The following PIEZO1 variants were observed in gnomAD, a reference collection of about 807,000 sequenced individuals.
PIEZO1 encodes piezo type mechanosensitive ion channel component 1 (Er blood group).
A neutral mutation model predicts 297.2 loss-of-function variants in PIEZO1; 296 were observed. That is an observed-to-expected ratio of 1.00 (90% confidence interval 0.91 to 1.10). PIEZO1 has a LOEUF of 1.10. PIEZO1 is among the 50% of genes least tolerant of loss of function. The probability of loss-of-function intolerance (pLI) is 0.00; values close to 1 mark genes in which losing one functional copy is unlikely to be tolerated. For missense variants in PIEZO1, 5,018 were observed against 3,455.5 expected (o/e 1.45, Z -11.34); for synonymous variants, 2,427 against 1,507.5 (o/e 1.61, Z -14.13).
In PIEZO1 at chr16:88,733,592, T is replaced by G. The variant is rs370271938; in HGVS notation, c.2483A>C (p.Lys828Thr). 6.5e-7 allele frequency: 1 copy of G among 1,542,884 alleles called. No individual in the cohort carries two copies. The highest frequency in any genetic ancestry group is 1.2e-5 in the South Asian group (1 of 83,542). Residue 828 changes from lysine (K) to threonine (T), a missense_variant, in exon 18 of 51, where the codon AAG becomes ACG. Transcript: ENST00000301015. ...TGAGTTGCCTGCCACACTCACCTCC[T>G]TCAGGGCCACCCAGACGGTGTACAG... is the stretch of plus-strand genomic sequence containing the variant. ...VALYTVWVAL[K>T]EVSVMNLLLV...
At chr16:88,767,046 G>A (rs572335468) in intron 1 of PIEZO1, among the ~76,000 whole-genome samples, 15 of 152,354 alleles carry the variant, frequency 9.8e-5, no homozygotes, top group Non-Finnish European at 1.6e-4. Flanking sequence ...CTGCCCGCAC[G>A]AGCCTATTCT....
At chr16:88,730,183 C>A (rs929034366) in intron 22 of PIEZO1, among the ~76,000 whole-genome samples, 31 of 152,262 alleles carry the variant, frequency 2.0e-4, no homozygotes, top group African/African-American at 7.0e-4. Context: ...AGCGCCCAGA[C>A]CCCGGGCTCT....
At position 88,721,641 on chromosome 16, in the gene PIEZO1, G is replaced by T; in HGVS notation, c.5300C>A (p.Pro1767His). Residue 1767 changes from proline (P) to histidine (H), a missense_variant, in exon 38 of 51, where the codon CCC becomes CAC. Transcript: ENST00000301015. Reference protein sequence around the residue: ...HVVLRRYENKPYFPPRILGLE... With the variant: ...HVVLRRYENKHYFPPRILGLE... ...GCCCAGGATGCGGGGCGGGAAGTAG[G>T]GCTTGTTCTCGTAGCGCCGCAGCAC... 4 of 1,550,188 alleles carry T rather than the reference G, an allele frequency of 2.6e-6. No homozygotes were observed. Among genetic ancestry groups the T allele is most frequent in the Non-Finnish European group, 2.6e-6 (3 of 1,146,854 alleles).
Position 88,720,118 on chromosome 16 carries a change from G to C in PIEZO1, c.6115C>G (p.Leu2039Val). 6.4e-7 allele frequency: 1 copy of C among 1,550,412 alleles called. No individual in the cohort carries two copies. The highest frequency in any genetic ancestry group is 8.7e-7 in the Non-Finnish European group (1 of 1,146,980). Residue 2039 changes from leucine to valine, a missense_variant, in exon 42 of 51, where the codon CTG (leucine) becomes GTG (valine). Transcript: ENST00000301015. ...GKLAFQVALV[L>V]AIHLWMFFIL... Reference sequence around the variant, plus strand: ...AAGAACATCCATAGGTGGATGGCCAGCACCAGCGCCACCTGGAAGGCCAGC... The same window carrying C: ...AAGAACATCCATAGGTGGATGGCCACCACCAGCGCCACCTGGAAGGCCAGC...
At chr16:88,727,283 C>A in intron 23 of PIEZO1, 91 bp from the exon 24 acceptor site, 1 of 1,366,722 alleles carries the variant, frequency 7.3e-7, no homozygotes, top group South Asian at 1.5e-5. Flanking sequence ...CCAGGCCTGT[C>A]GGCGTGCAGC....
In PIEZO1 at chr16:88,741,551, AC is replaced by A. The variant is rs1567678431; in HGVS notation, c.391del (p.Val131SerfsTer75). On this transcript the variant is annotated frameshift_variant, in exon 5 of 51. Coordinates refer to ENST00000301015, the MANE Select transcript of PIEZO1 (RefSeq NM_001142864.4). LOFTEE classifies it high-confidence loss of function. ...LVAPDLGILV[V>X]SSVCLGICGR... is the part of the protein sequence containing the mutation. ...GCAGATGCCGAGGCAGACAGAGGAG[AC>A]CACCAAGATGCCCAGGTCAGGGGCC... 3.3e-6 allele frequency: 5 copies of A among 1,535,590 alleles called. No homozygotes were observed. Among genetic ancestry groups the A allele is most frequent in the Non-Finnish European group, 4.4e-6 (5 of 1,146,768 alleles).
chr16:88,736,569 C>T, intron 11 of PIEZO1, 70 bp downstream of exon 11: 1 of 1,327,970 alleles, frequency 7.5e-7, no homozygotes, highest in Non-Finnish European at 1.0e-6. Flanking sequence ...CCCAGCGCAC[C>T]CCACCCAGGC....
At position 88,716,126 on chromosome 16, in the gene PIEZO1, T is replaced by C. The variant is rs1216131578; in HGVS notation, c.7130-7A>G. On this transcript the variant is annotated splice_polypyrimidine_tract_variant and splice_region_variant and intron_variant, in intron 49 of 50. Transcript: ENST00000301015. Reference sequence around the variant, plus strand: ...AGGTAGTCGGCCTCCTCATCTGGGATGGAGGGAGAAGATCGTTGAGGCCGC... The same window carrying C: ...AGGTAGTCGGCCTCCTCATCTGGGACGGAGGGAGAAGATCGTTGAGGCCGC... 3.9e-6 allele frequency: 6 copies of C among 1,539,612 alleles called. No homozygotes were observed. Among genetic ancestry groups the C allele is most frequent in the Non-Finnish European group, 5.3e-6 (6 of 1,139,298 alleles).
chr16:88,763,944 G>A (rs758403673), intron 1 of PIEZO1, among the ~76,000 whole-genome samples: 1 of 152,208 alleles, frequency 6.6e-6, no homozygotes, highest in Non-Finnish European at 1.5e-5. Flanking sequence ...CACAGGGTCG[G>A]CACGCAGGGG....
intron 4 of PIEZO1, 164 bp from the exon 5 acceptor site, chr16:88,741,780 G>GTCCCCCCC (rs1567678637): frequency 4.2e-6 from 1 of 235,944 alleles, no homozygotes; most frequent in Non-Finnish European, 8.8e-6. Flanking sequence ...GGGTCTCCAG[G>GTCCCCCCC]TGCGGGTGAG....
intron 1 of PIEZO1, among the ~76,000 whole-genome samples, chr16:88,765,476 T>C (rs1352457533): frequency 6.6e-6 from 1 of 152,098 alleles, no homozygotes; most frequent in African/African-American, 2.4e-5. Context: ...TGCCTTGAGT[T>C]CCCAGTAAGT....
Position 88,749,476 on chromosome 16 carries a change from C to G in PIEZO1, c.68G>C (p.Cys23Ser). 6.6e-7 allele frequency: 1 copy of G among 1,525,636 alleles called. No homozygotes were observed. The highest frequency in any genetic ancestry group is 8.8e-7 in the Non-Finnish European group (1 of 1,142,856). The allele number at this position is 1,525,636 out of a possible 1,614,324, so 94.5% of individuals were successfully genotyped here. ...CGAGAGTCCGCTGAAGCGGAGCAGGCAGGCTGCGGGGAGATGGGCGTTAAC... is the reference window on the plus strand; with the variant it reads ...CGAGAGTCCGCTGAAGCGGAGCAGGGAGGCTGCGGGGAGATGGGCGTTAAC... The part of the protein sequence containing the change: ...LLLPCALLAA[C>S]LLRFSGLSLV... Residue 23 changes from cysteine to serine, a missense_variant, in exon 2 of 51, where the codon TGC (cysteine) becomes TCC (serine). By Grantham distance (112) the Cys-to-Ser change is moderately radical. Coordinates refer to ENST00000301015, the MANE Select transcript of PIEZO1 (RefSeq NM_001142864.4).
At chr16:88,770,005 C>G (rs1388493961) in intron 1 of PIEZO1, among the ~76,000 whole-genome samples, 2 of 152,168 alleles carry the variant, frequency 1.3e-5, no homozygotes, top group Admixed American at 6.5e-5. Context: ...AGGCTCGGGA[C>G]CCCCACGCCT....
In PIEZO1 at chr16:88,735,046, C is replaced by T. The variant is rs958165406; in HGVS notation, c.1677G>A (p.Thr559=). 47 of 1,550,266 alleles carry T rather than the reference C, an allele frequency of 3.0e-5. No homozygotes were observed. The highest frequency in any genetic ancestry group is 3.7e-5 in the Non-Finnish European group (43 of 1,146,950). The change falls in exon 14 of 51, where the codon ACG becomes ACA. Residue 559 remains threonine, a synonymous_variant. Transcript: ENST00000301015. The part of the protein sequence containing the change: ...TEVTVADTEP[T]RTQTLLQSLG... ...GGCTCTGCAACAGCGTCTGCGTCCG[C>T]GTGGGCTCTGTGGGCCAAGCCAGGG...
intron 1 of PIEZO1, among the ~76,000 whole-genome samples, chr16:88,783,307 G>T (rs986241526): frequency 4.6e-5 from 7 of 152,230 alleles, no homozygotes; most frequent in African/African-American, 1.7e-4. Flanking sequence ...CATGAACTCA[G>T]GAGGGCTTTT....
intron 1 of PIEZO1, among the ~76,000 whole-genome samples, chr16:88,753,717 C>T (rs995085764): frequency 3.9e-5 from 6 of 152,206 alleles, no homozygotes; most frequent in Admixed American, 1.3e-4. Flanking sequence ...TCTATGCAGC[C>T]GGCAGTGCTC....
intron 19 of PIEZO1, chr16:88,733,045 G>C (rs1597456236): frequency 1.7e-6 from 1 of 584,966 alleles, no homozygotes. Context: ...CACTGCCGGA[G>C]ACCCTGGGAC....
In PIEZO1 at chr16:88,719,575, T is replaced by G. The variant is rs1184973935; in HGVS notation, c.6470A>C (p.Lys2157Thr). ...FIIKCSRETE[K>T]KYPQPKGQKK... is the part of the protein sequence containing the mutation. ...GGCCCCCGCCCTGGGCCCAGGCACC[T>G]TCTCTGTCTCTCGGCTGCATTTGAT... Residue 2157 changes from lysine to threonine, a missense_variant and splice_region_variant, in exon 44 of 51, where the codon AAG becomes ACG. Physicochemically the swap from Lys to Thr is moderately conservative, Grantham distance 78. Transcript: ENST00000301015. 6.4e-7 allele frequency: 1 copy of G among 1,550,524 alleles called. No homozygotes were observed. Among genetic ancestry groups the G allele is most frequent in the South Asian group, 1.2e-5 (1 of 84,064 alleles).
chr16:88,744,028 T>TA (rs911966697), intron 2 of PIEZO1: 1 of 196,904 alleles, frequency 5.1e-6, no homozygotes, highest in African/African-American at 2.3e-5. Context: ...CCCGAACCCA[T>TA]AGGTGCCAGG....
Sources: allele counts gnomAD v4.1 joint callset (sites outside exome capture counted in the v4.1 genomes callset), GRCh38; gene constraint gnomAD v4.1.1; transcripts MANE v1.5; gene names NCBI Gene and HGNC (gene_info 2026-07-23, HGNC 2026-07-21).